TBPL2: variants seen among roughly 807,000 people sequenced by gnomAD.
The protein encoded by TBPL2 is TATA-box binding protein like 2.
A neutral mutation model predicts 38.2 loss-of-function variants in TBPL2; 40 were observed. That is an observed-to-expected ratio of 1.05 (90% CI 0.81 to 1.36). The LOEUF (loss-of-function observed/expected upper bound fraction) is 1.36. TBPL2 is among the 40% of genes most tolerant of loss of function. TBPL2 has a pLI of 0.00. For synonymous variants in TBPL2, 169 were observed against 171.7 expected (o/e 0.98, Z 0.12); for missense variants, 461 against 456.7 (o/e 1.01, Z -0.09).
At chr14:55,437,571 C>A (rs79350514) in intron 1 of TBPL2, among the ~76,000 whole-genome samples, 10,309 of 152,292 alleles carry the variant, frequency 0.068, 389 homozygotes, top group Non-Finnish European at 0.088. Flanking sequence ...ACTATCTTAG[C>A]TACTTTGGTT....
At chr14:55,430,789 C>T (rs1224158818) in intron 4 of TBPL2, among the ~76,000 whole-genome samples, 1 of 152,208 alleles carries the variant, frequency 6.6e-6, no homozygotes, top group African/African-American at 2.4e-5. Flanking sequence ...TTGAAATGTC[C>T]TTAGCAAGGC....
In TBPL2 at chr14:55,435,278, A is replaced by ATT. The variant is rs34700693; in HGVS notation, c.696+567_696+568dup. On this transcript the variant is annotated intron_variant, in intron 3 of 6. Coordinates refer to ENST00000247219, the Ensembl canonical transcript of TBPL2. ...GTTAGCATCCCAATAGTCAGGTGAA[A>ATT]TTTTTTTTTTTTTTTTGGAGACGGA... Among the ~76,000 whole-genome samples the ATT allele has an allele frequency of 2.2e-3, 314 of 143,972 alleles. 4 individuals carry two copies. Among genetic ancestry groups the ATT allele is most frequent in the Middle Eastern group, 7.0e-3 (2 of 286 alleles). 94.5% of individuals were successfully genotyped at this position (143,972 alleles called of 152,430 possible). A position where few individuals can be genotyped will look rare whatever the true frequency, so the allele number is the denominator to read the frequency against.
intron 6 of TBPL2, among the ~76,000 whole-genome samples, chr14:55,416,695 A>G (rs1325712938): frequency 6.6e-6 from 1 of 152,200 alleles, no homozygotes; most frequent in Non-Finnish European, 1.5e-5. Flanking sequence ...TGAAGAAGCA[A>G]GAACCACTGC....
chr14:55,419,139 T>C (rs538652155), intron 6 of TBPL2, among the ~76,000 whole-genome samples: 1 of 152,390 alleles, frequency 6.6e-6, no homozygotes, highest in Non-Finnish European at 1.5e-5. Flanking sequence ...GGTGTTATTG[T>C]AGACTTGCAA....
chr14:55,435,124 A>G (rs1051976824), intron 3 of TBPL2, among the ~76,000 whole-genome samples: 3 of 152,204 alleles, frequency 2.0e-5, no homozygotes, highest in Non-Finnish European at 2.9e-5. Flanking sequence ...AGGAGCTTGA[A>G]CTTTATACTT....
intron 6 of TBPL2, among the ~76,000 whole-genome samples, chr14:55,415,162 T>G (rs1215721438): frequency 2.0e-5 from 3 of 152,244 alleles, no homozygotes; most frequent in Non-Finnish European, 4.4e-5. Context: ...CTAAGGGTCA[T>G]GTACTTGTAC....
At position 55,437,119 on chromosome 14, in the gene TBPL2, G is replaced by T. The variant is rs574708831; in HGVS notation, c.151-101C>A. ...GGCAGGCAGGCAGGCAATGTATTCAGTGTAAGAGGCAGTTCAAGATTGCTT... is the reference window on the plus strand; with the variant it reads ...GGCAGGCAGGCAGGCAATGTATTCATTGTAAGAGGCAGTTCAAGATTGCTT... On this transcript the variant is annotated intron_variant, in intron 1 of 6. Coordinates refer to ENST00000247219, the Ensembl canonical transcript of TBPL2. 3 of 1,030,994 alleles carry T rather than the reference G, an allele frequency of 2.9e-6. No individual in the cohort carries two copies. In the South Asian group the frequency reaches 4.3e-5, roughly 15 times the overall value. 63.9% of individuals were successfully genotyped at this position (1,030,994 alleles called of 1,614,324 possible).
chr14:55,438,880 T>A (rs1219583833), intron 1 of TBPL2: 1 of 150,744 alleles, frequency 6.6e-6, no homozygotes. Context: ...GTGCTGATCA[T>A]TGTCTTTATA....
intron 6 of TBPL2, among the ~76,000 whole-genome samples, chr14:55,418,440 C>T (rs998734515): frequency 6.6e-6 from 1 of 152,192 alleles, no homozygotes; most frequent in Non-Finnish European, 1.5e-5. Flanking sequence ...ATGCCACAGT[C>T]GTGTGTGTAT....
chr14:55,434,583 G>A (rs996613927), intron 3 of TBPL2, among the ~76,000 whole-genome samples: 1 of 151,730 alleles, frequency 6.6e-6, no homozygotes, highest in Admixed American at 6.6e-5. Context: ...TGAGAGGTGT[G>A]CTGAGGATGG....
At chr14:55,436,075 A>G in intron 2 of TBPL2, 141 bp from the exon 3 acceptor site, 1 of 517,326 alleles carries the variant, frequency 1.9e-6, no homozygotes, top group Non-Finnish European at 3.3e-6. Context: ...AATACATGAC[A>G]TGATTCCTAG....
chr14:55,436,830 C>G (rs757375452), exon 2 of TBPL2: 1 of 1,614,234 alleles, frequency 6.2e-7, no homozygotes, highest in Non-Finnish European at 8.5e-7. Context: ...TAATGACAGG[C>G]TGGTCTTTAT....
At chr14:55,424,884 A>G (rs773110562) in intron 5 of TBPL2, among the ~76,000 whole-genome samples, 80 of 152,346 alleles carry the variant, frequency 5.3e-4, no homozygotes, top group Middle Eastern at 3.4e-3. Context: ...TCCACACTCC[A>G]GCCTGGAGAG....
rs74053906 is a variant in TBPL2 at position 55,417,945 on chromosome 14, T to G, written c.1052-3490A>C. On this transcript the variant is annotated intron_variant, in intron 6 of 6. Transcript: ENST00000247219. ...TTAAAATAACAGGAAAATAAATTAC[T>G]TAACCACTTTCAGTTTTCTTACTTG... Among the ~76,000 whole-genome samples, 705 of 152,320 alleles carry G rather than the reference T, an allele frequency of 4.6e-3. 5 individuals are homozygous for G. Among genetic ancestry groups the G allele is most frequent in the African/African-American group, 0.016 (657 of 41,570 alleles).
exon 1 of TBPL2, chr14:55,440,490 G>A (rs775549425): frequency 7.4e-6 from 12 of 1,612,504 alleles, no homozygotes; most frequent in African/African-American, 6.7e-5. Context: ...CGGGTAAGAG[G>A]GTAAGCGCGG....
chr14:55,430,133 C>T (rs1594792709), intron 4 of TBPL2, among the ~76,000 whole-genome samples: 1 of 152,066 alleles, frequency 6.6e-6, no homozygotes, highest in African/African-American at 2.4e-5. Context: ...AGGTATTTTT[C>T]AACTGTTAGT....
chr14:55,439,930 CAAA>C (rs71131272), intron 1 of TBPL2, among the ~76,000 whole-genome samples: 5,242 of 39,138 alleles, frequency 0.13, 356 homozygotes, highest in Non-Finnish European at 0.17. Flanking sequence ...GACTCTGTCT[CAAA>C]AAAAAAAAAA....
chr14:55,427,625 C>A (rs1015808695), intron 5 of TBPL2, among the ~76,000 whole-genome samples: 5 of 152,080 alleles, frequency 3.3e-5, no homozygotes, highest in African/African-American at 1.2e-4. Flanking sequence ...AGGTGTATAT[C>A]TTGGTGAGTC....
chr14:55,440,343 C>A, intron 1 of TBPL2, 53 bp downstream of exon 1: 2 of 1,606,024 alleles, frequency 1.2e-6, no homozygotes, highest in Admixed American at 1.7e-5. Context: ...GCCCTTGGCA[C>A]AGGACCGGGC....
Sources: allele counts gnomAD v4.1 joint callset (sites outside exome capture counted in the v4.1 genomes callset), GRCh38; gene constraint gnomAD v4.1.1; transcripts MANE v1.5; gene names NCBI Gene and HGNC (gene_info 2026-07-23, HGNC 2026-07-21).